The following ZFAND3 variants were observed in gnomAD, a reference collection of about 807,000 sequenced individuals.
ZFAND3 encodes the protein zinc finger AN1-type containing 3, also known as AN1-type zinc finger protein 3.
A neutral mutation model predicts 29.6 loss-of-function variants in ZFAND3; 10 were observed. That is an observed-to-expected ratio of 0.34 (90% CI 0.21 to 0.57). The LOEUF is 0.57. ZFAND3 is among the 20% of genes least tolerant of loss of function. ZFAND3 has a pLI of 0.86. For synonymous variants in ZFAND3, 128 were observed against 112.6 expected, an observed-to-expected ratio of 1.14 and a Z score of -0.87; for missense variants, 230 against 304.5, an observed-to-expected ratio of 0.76 and a Z score of 1.82.
At chr6:38,058,572 G>C (rs1445040850) in intron 2 of ZFAND3, among the ~76,000 whole-genome samples, 3 of 152,216 alleles carry the variant, frequency 2.0e-5, no homozygotes, top group African/African-American at 7.2e-5. Flanking sequence ...CACCTTAGCA[G>C]TTACTAACTG....
intron 5 of ZFAND3, among the ~76,000 whole-genome samples, chr6:38,138,871 G>A (rs752392109): frequency 6.6e-6 from 1 of 152,176 alleles, no homozygotes; most frequent in South Asian, 2.1e-4. Context: ...CTAGTCAGAC[G>A]TGTTTGTCAA....
Position 38,153,370 on chromosome 6 carries a change from C to A in ZFAND3, c.*981C>A. 1.0e-6 allele frequency: 1 copy of A among 985,502 alleles called. No homozygotes were observed. Among genetic ancestry groups the A allele is most frequent in the Non-Finnish European group, 1.2e-6 (1 of 829,958 alleles). 61.0% of individuals were successfully genotyped at this position (985,502 alleles called of 1,614,324 possible). ...GGGCTCTGCCCCTTCCAGCTGGAGC[C>A]GCCCGTGCCTCCAGGGGCCAAGAGG... is the stretch of plus-strand genomic sequence containing the variant. On this transcript the variant is annotated 3_prime_UTR_variant, in exon 6 of 6. Coordinates refer to ENST00000287218, the MANE Select transcript of ZFAND3 (RefSeq NM_021943.3).
At chr6:37,826,968 C>G (rs1016787695) in intron 1 of ZFAND3, among the ~76,000 whole-genome samples, 2 of 152,144 alleles carry the variant, frequency 1.3e-5, no homozygotes, top group Non-Finnish European at 2.9e-5. Flanking sequence ...CATTTTCATC[C>G]TTCAAGAAAG....
At chr6:38,087,193 G>C (rs1390773622) in intron 4 of ZFAND3, among the ~76,000 whole-genome samples, 1 of 152,122 alleles carries the variant, frequency 6.6e-6, no homozygotes, top group East Asian at 1.9e-4. Context: ...TAAAATCAAA[G>C]TGGATTAAAG....
At chr6:37,955,680 C>T (rs1381065833) in intron 2 of ZFAND3, among the ~76,000 whole-genome samples, 1 of 152,168 alleles carries the variant, frequency 6.6e-6, no homozygotes, top group Non-Finnish European at 1.5e-5. Context: ...TTGGTGTACT[C>T]CAAGGAATCA....
chr6:38,147,520 T>G (rs1011545991), intron 5 of ZFAND3, among the ~76,000 whole-genome samples: 4 of 152,356 alleles, frequency 2.6e-5, no homozygotes, highest in Admixed American at 1.3e-4. Flanking sequence ...GTGGGATTGC[T>G]GGATCAAATG....
intron 2 of ZFAND3, among the ~76,000 whole-genome samples, chr6:38,016,133 A>G (rs763516501): frequency 6.6e-6 from 1 of 152,198 alleles, no homozygotes. Context: ...TTTTGGAGTC[A>G]AATATACCTG....
chr6:38,043,812 A>G (rs1763844720), intron 2 of ZFAND3, among the ~76,000 whole-genome samples: 1 of 151,520 alleles, frequency 6.6e-6, no homozygotes, highest in Admixed American at 6.6e-5. Context: ...TTATTTATTT[A>G]TTTATTTATT....
At chr6:37,975,600 A>G (rs924179232) in intron 2 of ZFAND3, among the ~76,000 whole-genome samples, 32 of 152,162 alleles carry the variant, frequency 2.1e-4, no homozygotes, top group Admixed American at 3.3e-4. Flanking sequence ...ATATGGAGGT[A>G]TACATCTGAG....
intron 1 of ZFAND3, among the ~76,000 whole-genome samples, chr6:37,902,172 G>A (rs942155651): frequency 2.0e-5 from 3 of 152,146 alleles, no homozygotes; most frequent in Non-Finnish European, 2.9e-5. Context: ...ATTATGGCCA[G>A]GTACAGTGGC....
intron 3 of ZFAND3, among the ~76,000 whole-genome samples, chr6:38,071,835 A>G (rs921020140): frequency 6.6e-6 from 1 of 152,192 alleles, no homozygotes; most frequent in Non-Finnish European, 1.5e-5. Context: ...CACTGCTGGC[A>G]TAGTACTCAA....
chr6:38,143,723 C>T (rs915835511), intron 5 of ZFAND3, among the ~76,000 whole-genome samples: 13 of 152,190 alleles, frequency 8.5e-5, no homozygotes, highest in Admixed American at 2.0e-4. Context: ...CCCTGGGCAG[C>T]TGACTTCTGT....
At chr6:38,112,996 G>A (rs544426398) in intron 4 of ZFAND3, among the ~76,000 whole-genome samples, 1 of 152,282 alleles carries the variant, frequency 6.6e-6, no homozygotes, top group Admixed American at 6.5e-5. Flanking sequence ...GCAATAGCTT[G>A]TGGAGGATAG....
chr6:37,896,065 G>T (rs1015075330), intron 1 of ZFAND3, among the ~76,000 whole-genome samples: 3 of 152,200 alleles, frequency 2.0e-5, no homozygotes, highest in Admixed American at 6.5e-5. Context: ...TAGATTTACA[G>T]ATGTCATCAT....
chr6:38,065,449 A>G (rs1457360074), intron 3 of ZFAND3, among the ~76,000 whole-genome samples: 2 of 152,240 alleles, frequency 1.3e-5, no homozygotes, highest in East Asian at 3.9e-4. Context: ...AAGGTCACAA[A>G]AGCCAAAGAA....
chr6:37,966,214 C>T (rs1394642326), intron 2 of ZFAND3, among the ~76,000 whole-genome samples: 1 of 152,142 alleles, frequency 6.6e-6, no homozygotes, highest in East Asian at 1.9e-4. Context: ...TTGCAAACAG[C>T]AGGTTCTAGA....
intron 2 of ZFAND3, among the ~76,000 whole-genome samples, chr6:37,997,619 C>T (rs1251909784): frequency 3.3e-5 from 5 of 152,186 alleles, no homozygotes; most frequent in African/African-American, 1.2e-4. Context: ...CTTGGGAGCA[C>T]TGTGAAGCAC....
In ZFAND3 at chr6:38,153,002, A is replaced by G. The variant is rs927890033; in HGVS notation, c.*613A>G. 18 of 985,776 alleles carry G rather than the reference A, an allele frequency of 1.8e-5. No individual in the cohort carries two copies. The highest frequency in any genetic ancestry group is 6.1e-5 in the Admixed American group (1 of 16,266). The allele number at this position is 985,776 out of a possible 1,614,324, so 61.1% of individuals were successfully genotyped here. On this transcript the variant is annotated 3_prime_UTR_variant, in exon 6 of 6. Transcript: ENST00000287218. ...CGGAAATTTTTTTACCTGACTTGCT[A>G]TGAAAAAACTCATCACACAAGAAGA...
chr6:37,949,624 C>T (rs1761962955), intron 2 of ZFAND3, among the ~76,000 whole-genome samples: 1 of 152,152 alleles, frequency 6.6e-6, no homozygotes, highest in Non-Finnish European at 1.5e-5. Flanking sequence ...CCCACAACCC[C>T]CTCTTTGGGT....
Sources: allele counts gnomAD v4.1 joint callset (sites outside exome capture counted in the v4.1 genomes callset), GRCh38; gene constraint gnomAD v4.1.1; transcripts MANE v1.5; gene names NCBI Gene and HGNC (gene_info 2026-07-23, HGNC 2026-07-21).